Variants in XRN1 observed in about 807,000 individuals in gnomAD.
XRN1 encodes the protein 5'-3' exoribonuclease 1.
XRN1 carries 67 observed loss-of-function variants against 222.3 expected under a neutral mutation model. The observed-to-expected ratio is 0.30, with a 90% confidence interval of 0.25 to 0.37. The LOEUF (loss-of-function observed/expected upper bound fraction) is 0.37, where lower values mean the gene tolerates loss of function less well. XRN1 is among the 10% of genes least tolerant of loss of function. The pLI is 1.00. For synonymous variants in XRN1, 643 were observed against 652.4 expected, an observed-to-expected ratio of 0.99 and a Z score of 0.22; for missense variants, 1,707 against 2,000.2, an observed-to-expected ratio of 0.85 and a Z score of 2.80.
chr3:142,386,372 A>G (rs1339970832), intron 20 of XRN1, among the ~76,000 whole-genome samples: 6 of 152,158 alleles, frequency 3.9e-5, no homozygotes, highest in Non-Finnish European at 8.8e-5. Flanking sequence ...GGGTAGATTA[A>G]TATTGGAAAT....
chr3:142,395,453 T>C (rs1442757712), intron 20 of XRN1, among the ~76,000 whole-genome samples: 1 of 152,188 alleles, frequency 6.6e-6, no homozygotes, highest in Non-Finnish European at 1.5e-5. Context: ...CCAGCAGTCT[T>C]CTGCATTGAC....
intron 27 of XRN1, among the ~76,000 whole-genome samples, chr3:142,367,142 C>T (rs974700288): frequency 1.3e-5 from 2 of 152,046 alleles, no homozygotes; most frequent in Non-Finnish European, 2.9e-5. Flanking sequence ...ACAAAATTAG[C>T]CGAGCATGGT....
chr3:142,348,735 G>A (rs2066220151), intron 32 of XRN1, among the ~76,000 whole-genome samples: 1 of 152,184 alleles, frequency 6.6e-6, no homozygotes, highest in African/African-American at 2.4e-5. Context: ...ATGCATGGGA[G>A]TACCAAGGAA....
chr3:142,327,764 A>G (rs1344989185), intron 37 of XRN1, among the ~76,000 whole-genome samples: 1 of 152,106 alleles, frequency 6.6e-6, no homozygotes, highest in Non-Finnish European at 1.5e-5. Context: ...CTTTTCTTAT[A>G]TTCATCACCT....
chr3:142,436,081 A>G lies in XRN1; in HGVS notation c.76-3188T>C, dbSNP rs867309637. 2.0e-5 allele frequency: 3 copies of G among 150,266 alleles called. No homozygotes were observed. The East Asian group carries it at 5.8e-4, about 29-fold the overall frequency. 9.3% of individuals were successfully genotyped at this position (150,266 alleles called of 1,614,324 possible). Reference sequence around the variant, plus strand: ...CCTCAAAAAAAAAAAAAAAAAAAAAAATTTAAAGCAATCACAGAAAATGGA... The same window carrying G: ...CCTCAAAAAAAAAAAAAAAAAAAAAGATTTAAAGCAATCACAGAAAATGGA... On this transcript the variant is annotated intron_variant, in intron 1 of 40. Transcript: ENST00000392981.
rs954057336 is a variant in XRN1 at position 142,370,846 on chromosome 3, C to G, written c.3069-226G>C. ...TATAAATGAAAGAAAATTTGTTAAG[C>G]TCTTAAAGCAAAAATGAAACAATGC... On this transcript the variant is annotated intron_variant, in intron 26 of 40. Coordinates refer to ENST00000392981, the MANE Select transcript of XRN1 (RefSeq NM_001282857.2). Among the ~76,000 whole-genome samples, 3 of 151,748 alleles carry G rather than the reference C, an allele frequency of 2.0e-5. No individual in the cohort carries two copies. The East Asian group carries it at 5.8e-4, about 29-fold the overall frequency.
chr3:142,313,630 G>A (rs1261490635), intron 39 of XRN1, among the ~76,000 whole-genome samples: 2 of 152,202 alleles, frequency 1.3e-5, no homozygotes, highest in Non-Finnish European at 1.5e-5. Context: ...AGCTATTTAA[G>A]ACACTTTTAG....
intron 37 of XRN1, among the ~76,000 whole-genome samples, chr3:142,327,023 T>C (rs1290278347): frequency 6.6e-6 from 1 of 152,196 alleles, no homozygotes; most frequent in African/African-American, 2.4e-5. Context: ...TTCACTAGTA[T>C]TGTGTTGAAG....
At chr3:142,329,750 A>G in intron 36 of XRN1, 135 bp from the exon 37 acceptor site, 1 of 742,246 alleles carries the variant, frequency 1.3e-6, no homozygotes. Context: ...GCCACCCATT[A>G]TTAAATAACA....
intron 22 of XRN1, among the ~76,000 whole-genome samples, chr3:142,380,905 T>C (rs1168908279): frequency 1.3e-5 from 2 of 152,074 alleles, no homozygotes; most frequent in Non-Finnish European, 2.9e-5. Context: ...ACGCCCGCCT[T>C]GGCCTCTCAA....
At chr3:142,371,725 A>C (rs1203342050) in intron 25 of XRN1, among the ~76,000 whole-genome samples, 4 of 152,126 alleles carry the variant, frequency 2.6e-5, no homozygotes, top group Non-Finnish European at 5.9e-5. Context: ...TCAAAACTCC[A>C]TTTCTTTCTG....
chr3:142,406,405 T>TA lies in XRN1; in HGVS notation c.1714-1330dup, dbSNP rs540146301. 5.1e-3 allele frequency among the ~76,000 whole-genome samples: 782 copies of TA among 152,290 alleles called. 9 individuals carry two copies. The highest frequency in any genetic ancestry group is 0.018 in the African/African-American group (760 of 41,566). On this transcript the variant is annotated intron_variant, in intron 15 of 40. Coordinates refer to ENST00000392981, the MANE Select transcript of XRN1 (RefSeq NM_001282857.2). ...ACCTTAAACTATAAAACTACTAGAA[T>TA]AAAACACAGGACAAAAGCTTCTTGA...
chr3:142,384,917 T>C (rs552472601), intron 20 of XRN1, among the ~76,000 whole-genome samples: 7 of 152,188 alleles, frequency 4.6e-5, no homozygotes, highest in Non-Finnish European at 1.0e-4. Flanking sequence ...CATAGAGCTA[T>C]ACAAAACTCC....
intron 32 of XRN1, among the ~76,000 whole-genome samples, chr3:142,352,531 A>G (rs2066339409): frequency 6.6e-6 from 1 of 151,608 alleles, no homozygotes. Flanking sequence ...TTATGTTTAT[A>G]TTCCCTTTGT....
At chr3:142,313,130 T>G (rs746908761) in intron 39 of XRN1, 1 of 1,608,106 alleles carries the variant, frequency 6.2e-7, no homozygotes, top group Non-Finnish European at 8.5e-7. Context: ...ATCTTAAGGA[T>G]CTCACCTGCC....
intron 29 of XRN1, among the ~76,000 whole-genome samples, chr3:142,364,199 C>T (rs2066745581): frequency 6.6e-6 from 1 of 152,178 alleles, no homozygotes; most frequent in Non-Finnish European, 1.5e-5. Context: ...TTAAGCAGTT[C>T]TCTTCAGCTA....
Position 142,432,693 on chromosome 3 carries a change from T to C in XRN1, c.276A>G (p.Ala92=). The change falls in exon 2 of 41, where the codon GCA becomes GCG. Residue 92 remains alanine, a synonymous_variant. Coordinates refer to ENST00000392981, the MANE Select transcript of XRN1 (RefSeq NM_001282857.2). ...GCCTCCCACGCTGCTGGTTCATTTT[T>C]GCTCGAGGAGCCACACCATCTACAG... ...FMAVDGVAPR[A]KMNQQRGRRF... The C allele has an allele frequency of 6.2e-7, 1 of 1,610,112 alleles. No homozygotes were observed. The highest frequency in any genetic ancestry group is 1.1e-5 in the South Asian group (1 of 90,288).
chr3:142,426,720 T>C, intron 3 of XRN1, 24 bp downstream of exon 3: 1 of 1,583,058 alleles, frequency 6.3e-7, no homozygotes, highest in Non-Finnish European at 8.6e-7. Context: ...AATTCTGTCA[T>C]AATTTGTCTC....
chr3:142,404,187 G>A, intron 16 of XRN1, among the ~76,000 whole-genome samples, 198 bp from the exon 17 acceptor site: 1 of 152,002 alleles, frequency 6.6e-6, no homozygotes. Flanking sequence ...CATGCCTGTA[G>A]ATTACTAAGT....
Sources: allele counts gnomAD v4.1 joint callset (sites outside exome capture counted in the v4.1 genomes callset), GRCh38; gene constraint gnomAD v4.1.1; transcripts MANE v1.5; gene names NCBI Gene and HGNC (gene_info 2026-07-23, HGNC 2026-07-21).